NPHP4: variants seen among roughly 807,000 people sequenced by gnomAD.
NPHP4 encodes the protein nephrocystin-4.
Under a neutral mutation model 155.8 loss-of-function variants are expected in NPHP4, and 151 were observed. The ratio of observed to expected loss-of-function variants is 0.97; its 90% CI spans 0.85 to 1.11. The LOEUF is 1.11. Ranked by LOEUF, NPHP4 falls within the 50% of genes least tolerant of loss-of-function variation. The probability of loss-of-function intolerance (pLI) is 0.00; values close to 1 mark genes in which losing one functional copy is unlikely to be tolerated. For synonymous variants in NPHP4, 845 were observed against 816.8 expected, an observed-to-expected ratio of 1.03 and a Z score of -0.59; for missense variants, 1,956 against 1,925.7, an observed-to-expected ratio of 1.02 and a Z score of -0.29.
rs972177351 is a variant in NPHP4, at chr1:5,898,242, C to A, written c.2143+6375G>T. Among the ~76,000 whole-genome samples, 3 of 152,192 alleles carry A rather than the reference C, an allele frequency of 2.0e-5. 1 individual carries two copies. In the East Asian group the frequency reaches 5.8e-4, roughly 29 times the overall value. On this transcript the variant is annotated intron_variant, in intron 16 of 29. Transcript: ENST00000378156. ...CATGTTAGGAAGCAAAAGGCCAGGA[C>A]AGGAGCGAAGAAAACAAAAAGGGTT...
chr1:5,952,159 G>A (rs927667176), intron 7 of NPHP4, among the ~76,000 whole-genome samples: 4 of 152,164 alleles, frequency 2.6e-5, no homozygotes, highest in African/African-American at 7.2e-5. Flanking sequence ...CGGGCAGGCC[G>A]AGGGGACAGT....
intron 20 of NPHP4, 69 bp downstream of exon 20, chr1:5,877,024 G>A (rs1642676022): frequency 9.6e-7 from 1 of 1,041,982 alleles, no homozygotes; most frequent in Non-Finnish European, 1.3e-6. Context: ...GGGAGGCAGG[G>A]AAAGGATGTG....
chr1:5,964,941 A>ATTTT lies in NPHP4; in HGVS notation c.517+2354_517+2357dup, dbSNP rs55734317. Among the ~76,000 whole-genome samples, 131 of 59,406 alleles carry ATTTT rather than the reference A, an allele frequency of 2.2e-3. 10 individuals carry two copies. The highest frequency in any genetic ancestry group is 9.9e-3 in the African/African-American group (117 of 11,782). The allele number at this position is 59,406 out of a possible 152,430, so 39.0% of individuals were successfully genotyped here. ...ATTATATATATATATATATATATAT[A>ATTTT]TTTTTTTTTTTTGAGGCAGGGTCTC... On this transcript the variant is annotated intron_variant, in intron 5 of 29. Transcript: ENST00000378156.
intron 18 of NPHP4, among the ~76,000 whole-genome samples, chr1:5,883,057 C>T (rs535834872): frequency 1.3e-5 from 2 of 152,212 alleles, no homozygotes; most frequent in Non-Finnish European, 2.9e-5. Flanking sequence ...TCAACGCTTT[C>T]ATCACTCTCT....
Position 5,909,135 on chromosome 1 carries a change from G to C in NPHP4, c.1503+17C>G, listed in dbSNP as rs773414516. 10 of 1,580,650 alleles carry C rather than the reference G, an allele frequency of 6.3e-6. No individual in the cohort carries two copies. Among genetic ancestry groups the C allele is most frequent in the East Asian group, 4.6e-5 (2 of 43,712 alleles). ...ACTCTGGAATTCTGAAGGAGGCCGT[G>C]GGGGGCCTGGACTTACCCCTGGTCC... On this transcript the variant is annotated intron_variant, in intron 12 of 29. Coordinates refer to ENST00000378156, the MANE Select transcript of NPHP4 (RefSeq NM_015102.5).
chr1:5,964,945 T>A (rs866003182), intron 5 of NPHP4, among the ~76,000 whole-genome samples: 5 of 85,030 alleles, frequency 5.9e-5, no homozygotes, highest in African/African-American at 1.1e-4. Context: ...ATATATATTT[T>A]TTTTTTTTGA....
chr1:5,955,912 G>T (rs1649108018), intron 6 of NPHP4, among the ~76,000 whole-genome samples: 1 of 152,192 alleles, frequency 6.6e-6, no homozygotes. Context: ...ACACAGAAAT[G>T]ATGAGTGTGG....
At chr1:5,947,678 G>C (rs1231916620) in intron 8 of NPHP4, among the ~76,000 whole-genome samples, 1 of 152,170 alleles carries the variant, frequency 6.6e-6, no homozygotes, top group African/African-American at 2.4e-5. Flanking sequence ...GCCCTGCAGT[G>C]ATGTCTGTGA....
intron 19 of NPHP4, chr1:5,879,407 C>A (rs558168726): frequency 3.4e-4 from 142 of 411,970 alleles, no homozygotes; most frequent in Non-Finnish European, 6.1e-4. Context: ...TCACCAAACC[C>A]AGGTCTTCCT....
Position 5,890,740 on chromosome 1 carries a change from C to A in NPHP4, c.2304+128G>T. 1 of 721,694 alleles carries A rather than the reference C, an allele frequency of 1.4e-6. No homozygotes were observed. Among genetic ancestry groups the A allele is most frequent in the Non-Finnish European group, 2.1e-6 (1 of 470,594 alleles). The allele number at this position is 721,694 out of a possible 1,614,324, so 44.7% of individuals were successfully genotyped here. A position where few individuals can be genotyped will look rare whatever the true frequency, so the allele number is the denominator to read the frequency against. On this transcript the variant is annotated intron_variant, in intron 17 of 29. Transcript: ENST00000378156. This position sits in a 1 kb window ranked among gnomAD's most constrained non-coding sequence, Gnocchi z 4.9. ...TGCAGCACTATTTTTAACGAGTGAA[C>A]AAAGAAGGTCAAACAAGTCCTGTGC...
At chr1:5,879,170 G>T (rs1368042309) in intron 19 of NPHP4, among the ~76,000 whole-genome samples, 1 of 151,992 alleles carries the variant, frequency 6.6e-6, no homozygotes, top group Admixed American at 6.6e-5. Flanking sequence ...ACCTCTAACT[G>T]CCCCTCCCAC....
chr1:5,967,531 C>T (rs989595979), intron 4 of NPHP4, among the ~76,000 whole-genome samples, 168 bp from the exon 5 acceptor site: 13 of 152,246 alleles, frequency 8.5e-5, no homozygotes, highest in Admixed American at 8.5e-4. Context: ...GCTCCCCAAG[C>T]CGTTGGTGCT....
intron 19 of NPHP4, among the ~76,000 whole-genome samples, chr1:5,879,830 C>T (rs962051693): frequency 4.6e-5 from 5 of 109,060 alleles, no homozygotes; most frequent in African/African-American, 6.6e-5. Context: ...CACACACACA[C>T]GCAAACACAC....
intron 16 of NPHP4, among the ~76,000 whole-genome samples, chr1:5,897,108 G>T (rs777429928): frequency 5.3e-5 from 8 of 152,164 alleles, no homozygotes; most frequent in Non-Finnish European, 1.5e-5. Flanking sequence ...GTAGTTCATC[G>T]CTTATCGGTA....
Position 5,917,802 on chromosome 1 carries a change from T to C in NPHP4, c.1442-8589A>G, listed in dbSNP as rs184283870. 1.6e-3 allele frequency among the ~76,000 whole-genome samples: 242 copies of C among 152,184 alleles called. 1 individual carries two copies. The highest frequency in any genetic ancestry group is 0.014 in the Middle Eastern group (4 of 294). ...TACGATGAGTCAGTCCCCAGTCCCC[T>C]TGTGACTTGGGAGGCCACGTGGCTA... On this transcript the variant is annotated intron_variant, in intron 11 of 29. Coordinates refer to ENST00000378156, the MANE Select transcript of NPHP4 (RefSeq NM_015102.5).
rs999898646 is a variant in NPHP4 at position 5,955,826 on chromosome 1, G to A, written c.674-2990C>T. On this transcript the variant is annotated intron_variant, in intron 6 of 29. Transcript: ENST00000378156. ...TGTTCCTGCACAGCAGGGTAATGAC[G>A]GTTACCAGTAAGTTCCCGTAAAATA... 1.1e-4 allele frequency among the ~76,000 whole-genome samples: 17 copies of A among 152,142 alleles called. No individual in the cohort carries two copies. In the East Asian group the frequency reaches 2.9e-3, roughly 26 times the overall value.
intron 6 of NPHP4, among the ~76,000 whole-genome samples, chr1:5,953,692 G>A (rs895904435): frequency 3.3e-5 from 5 of 152,188 alleles, no homozygotes; most frequent in Non-Finnish European, 5.9e-5. Flanking sequence ...TCACGGTCTC[G>A]TGCAAAGCAG....
chr1:5,969,035 A>T (rs1463679611), intron 4 of NPHP4, 52 bp downstream of exon 4: 6 of 1,306,686 alleles, frequency 4.6e-6, no homozygotes, highest in Non-Finnish European at 6.3e-6. Context: ...TCAAAAAAAA[A>T]AAAAAAGACA....
chr1:5,969,322 G>T, intron 3 of NPHP4, 63 bp from the exon 4 acceptor site: 1 of 1,160,768 alleles, frequency 8.6e-7, no homozygotes, highest in Non-Finnish European at 1.2e-6. Context: ...GGACATGGGC[G>T]CTGTCCCCAC....
Sources: gnomAD v4.1 joint callset for allele counts (sites outside exome capture counted in the v4.1 genomes callset) on GRCh38, gnomAD v4.1.1 for gene constraint, Gnocchi (gnomAD v3.1) non-coding constraint, MANE v1.5 for transcripts, NCBI Gene and HGNC (gene_info 2026-07-23, HGNC 2026-07-21) for gene names.